Variants in WDPCP observed in about 807,000 individuals in gnomAD.
WDPCP encodes WD repeat containing planar cell polarity effector, also known as WD repeat-containing and planar cell polarity effector protein fritz homolog.
WDPCP carries 71 observed loss-of-function variants against 93.1 expected under a neutral mutation model. That is an observed-to-expected ratio of 0.76 (90% CI 0.63 to 0.93). The LOEUF is 0.93. Ranked by LOEUF, WDPCP falls within the 40% of genes least tolerant of loss-of-function variation. WDPCP has a pLI of 0.00. For synonymous variants in WDPCP, 315 were observed against 315.0 expected (o/e 1.00, Z 0.00); for missense variants, 844 against 887.4 (o/e 0.95, Z 0.62).
intron 3 of WDPCP, among the ~76,000 whole-genome samples, chr2:63,634,526 C>G (rs1475519068): frequency 6.6e-6 from 1 of 152,176 alleles, no homozygotes; most frequent in Non-Finnish European, 1.5e-5. Context: ...ATGTACCTAA[C>G]AGACATATCC....
At chr2:63,618,774 T>G (rs1709701105) in intron 3 of WDPCP, among the ~76,000 whole-genome samples, 1 of 151,184 alleles carries the variant, frequency 6.6e-6, no homozygotes, top group Non-Finnish European at 1.5e-5. Flanking sequence ...CACCGCAATC[T>G]CTGCCTCCCA....
intron 3 of WDPCP, among the ~76,000 whole-genome samples, chr2:63,634,510 G>T (rs1275409497): frequency 6.6e-6 from 1 of 152,158 alleles, no homozygotes; most frequent in East Asian, 1.9e-4. Flanking sequence ...CTACAATTTA[G>T]ATCAAATGTA....
intron 2 of WDPCP, among the ~76,000 whole-genome samples, chr2:63,757,253 TC>T (rs1232924579): frequency 6.6e-6 from 1 of 152,154 alleles, no homozygotes; most frequent in Non-Finnish European, 1.5e-5. Flanking sequence ...GTAACATTCC[TC>T]AAACACAGGT....
chr2:63,545,602 G>A (rs977889349), intron 1 of WDPCP, among the ~76,000 whole-genome samples: 1 of 151,534 alleles, frequency 6.6e-6, no homozygotes, highest in Non-Finnish European at 1.5e-5. Context: ...CTTTCTAGTC[G>A]AGGTATGATT....
In WDPCP at chr2:63,206,982, TC is replaced by T. The variant is rs140958312; in HGVS notation, c.1916-32151del. 3.6e-3 allele frequency among the ~76,000 whole-genome samples: 547 copies of T among 152,302 alleles called. 4 individuals carry two copies. The highest frequency in any genetic ancestry group is 0.013 in the African/African-American group (523 of 41,576). ...ACTGAAACCCATTAAAAACTAATTC[TC>T]CTCCTCCCTTTTCTCCAGCTCTTGA... On this transcript the variant is annotated intron_variant, in intron 14 of 17. Coordinates refer to ENST00000272321, the MANE Select transcript of WDPCP (RefSeq NM_015910.7).
intron 12 of WDPCP, among the ~76,000 whole-genome samples, chr2:63,357,698 C>T (rs1157564684): frequency 2.6e-5 from 4 of 152,048 alleles, no homozygotes; most frequent in African/African-American, 4.8e-5. Flanking sequence ...AGCAGTTTGG[C>T]GATTCCTCCA....
In WDPCP at chr2:63,635,942, T is replaced by TG. The variant is rs75615290; in HGVS notation, n.488+14716dup. Among the ~76,000 whole-genome samples, 265 of 152,334 alleles carry TG rather than the reference T, an allele frequency of 1.7e-3. 8 individuals carry two copies. In the East Asian group the frequency reaches 0.047, roughly 27 times the overall value. ...TTGCTGTTTGCAGATGATATGGTCTTGTACATAGAAAATCCTAAAGACTTC... is the reference window on the plus strand; with the variant it reads ...TTGCTGTTTGCAGATGATATGGTCTTGGTACATAGAAAATCCTAAAGACTTC... On this transcript the variant is annotated intron_variant and non_coding_transcript_variant, in intron 3 of 4. Transcript: ENST00000467687.
At chr2:63,265,226 T>C (rs1404602599) in intron 13 of WDPCP, among the ~76,000 whole-genome samples, 1 of 151,204 alleles carries the variant, frequency 6.6e-6, no homozygotes, top group Non-Finnish European at 1.5e-5. Context: ...ACAGAAGAGA[T>C]CAAGAAAACT....
upstream of WDPCP, among the ~76,000 whole-genome samples, chr2:63,830,786 G>A (rs1449557916): frequency 6.6e-6 from 1 of 151,886 alleles, no homozygotes; most frequent in Non-Finnish European, 1.5e-5. Flanking sequence ...TTTTCTATGT[G>A]ACCTCTAAAT....
intron 2 of WDPCP, among the ~76,000 whole-genome samples, chr2:63,710,621 T>C (rs1274962575): frequency 6.6e-6 from 1 of 152,050 alleles, no homozygotes; most frequent in Non-Finnish European, 1.5e-5. Flanking sequence ...AAAATACAAA[T>C]GTTTAAAAAG....
intron 12 of WDPCP, among the ~76,000 whole-genome samples, chr2:63,313,728 G>A (rs1686364979): frequency 6.6e-6 from 1 of 151,734 alleles, no homozygotes; most frequent in Non-Finnish European, 1.5e-5. Flanking sequence ...ATATTCAGTG[G>A]AGATGGGATA....
At chr2:63,708,962 T>G (rs1413934334) in intron 2 of WDPCP, among the ~76,000 whole-genome samples, 4 of 146,744 alleles carry the variant, frequency 2.7e-5, no homozygotes, top group African/African-American at 1.0e-4. Flanking sequence ...CACTCACGCC[T>G]GTAATCCCAG....
intron 9 of WDPCP, among the ~76,000 whole-genome samples, chr2:63,426,201 G>T (rs1298759704): frequency 6.6e-6 from 1 of 152,112 alleles, no homozygotes; most frequent in East Asian, 1.9e-4. Context: ...TTAGCTGGGC[G>T]TGGTGGCGCA....
intron 6 of WDPCP, among the ~76,000 whole-genome samples, chr2:63,482,756 A>G (rs1255447510): frequency 4.6e-5 from 7 of 151,992 alleles, no homozygotes; most frequent in Admixed American, 1.3e-4. Flanking sequence ...TTGTTAAAAT[A>G]TACCACATCA....
At chr2:63,438,141 CACACA>C in intron 7 of WDPCP, 1 of 564,944 alleles carries the variant, frequency 1.8e-6, no homozygotes, top group Non-Finnish European at 2.5e-6. Context: ...GTCACCAAAG[CACACA>C]AGTAGGTAAA....
At position 63,788,414 on chromosome 2, in the gene WDPCP, A is replaced by G. The variant is rs902689981; in HGVS notation, n.308+25208T>C. ...ACAACTTCATATTTTTATACTTGAG[A>G]GAAACATATGGTTCAGTACTTACAG... On this transcript the variant is annotated intron_variant and non_coding_transcript_variant, in intron 2 of 4. Transcript: ENST00000467687. 2.6e-5 allele frequency among the ~76,000 whole-genome samples: 4 copies of G among 152,230 alleles called. No individual in the cohort carries two copies. In the East Asian group the frequency reaches 7.7e-4, roughly 29 times the overall value.
At chr2:63,508,042 C>T (rs1406880691) in intron 1 of WDPCP, among the ~76,000 whole-genome samples, 1 of 152,112 alleles carries the variant, frequency 6.6e-6, no homozygotes, top group Non-Finnish European at 1.5e-5. Context: ...TTTCCCTAAC[C>T]TATCAAGACA....
chr2:63,834,976 G>A, the WDPCP span, among the ~76,000 whole-genome samples: 1 of 151,818 alleles, frequency 6.6e-6, no homozygotes. Context: ...TTATTTTAAA[G>A]TACTTTCTAG....
chr2:63,559,590 T>C (rs774852886), intron 1 of WDPCP, among the ~76,000 whole-genome samples: 1 of 152,072 alleles, frequency 6.6e-6, no homozygotes, highest in Non-Finnish European at 1.5e-5. Flanking sequence ...AGATACAAAA[T>C]CAATGTGCAA....
Sources: gnomAD v4.1 joint callset for allele counts (sites outside exome capture counted in the v4.1 genomes callset) on GRCh38, gnomAD v4.1.1 for gene constraint, MANE v1.5 for transcripts, NCBI Gene and HGNC (gene_info 2026-07-23, HGNC 2026-07-21) for gene names.